The following PLOD3 variants were observed in gnomAD, a reference collection of about 807,000 sequenced individuals.
PLOD3 encodes the protein multifunctional procollagen lysine hydroxylase and glycosyltransferase LH3.
Under a neutral mutation model 96.9 loss-of-function variants are expected in PLOD3, and 73 were observed. The observed-to-expected ratio is 0.75, with a 90% CI of 0.62 to 0.92. The LOEUF is 0.92. PLOD3 is among the 40% of genes least tolerant of loss of function. The pLI is 0.00. For missense variants in PLOD3, 1,004 were observed against 1,004.3 expected, an observed-to-expected ratio of 1.00 and a Z score of 0.00; for synonymous variants, 454 against 413.7, an observed-to-expected ratio of 1.10 and a Z score of -1.18.
chr7:101,212,024 C>A, intron 10 of PLOD3, 74 bp from the exon 11 acceptor site: 1 of 1,126,854 alleles, frequency 8.9e-7, no homozygotes, highest in East Asian at 2.5e-5. Context: ...CCCATGCCCC[C>A]AGGAGAAGAG....
chr7:101,215,455 C>A (rs1431586495), intron 5 of PLOD3, among the ~76,000 whole-genome samples: 1 of 152,144 alleles, frequency 6.6e-6, no homozygotes, highest in East Asian at 1.9e-4. Context: ...TCAGGTGATC[C>A]ACCCGCCTCA....
chr7:101,215,802 A>G lies in PLOD3; in HGVS notation c.615+106T>C, dbSNP rs183620636. ...CAGGCGTGAGCCACCACGCCCAGGC[A>G]CACATTTTTCTCTTTGCAACCCCCT... is the stretch of plus-strand genomic sequence containing the variant. On this transcript the variant is annotated intron_variant, in intron 5 of 18. Transcript: ENST00000223127. 18 of 791,480 alleles carry G rather than the reference A, an allele frequency of 2.3e-5. No homozygotes were observed. In the East Asian group the frequency reaches 4.4e-4, roughly 19 times the overall value. 49.0% of individuals were successfully genotyped at this position (791,480 alleles called of 1,614,324 possible).
At position 101,217,318 on chromosome 7, in the gene PLOD3, C is replaced by A. The variant is rs1353639225; in HGVS notation, c.-44G>T. On this transcript the variant is annotated 5_prime_UTR_variant, in exon 1 of 19. Transcript: ENST00000223127. The stretch of plus-strand genomic sequence containing the variant: ...ACAGCACCCAGGATCCTGGGATCTC[C>A]GCTACGCGCCTGGATCCCAGCTCCG... 3 of 1,365,126 alleles carry A rather than the reference C, an allele frequency of 2.2e-6. No individual in the cohort carries two copies. In the South Asian group the frequency reaches 5.6e-5, roughly 25 times the overall value. The allele number at this position is 1,365,126 out of a possible 1,614,324, so 84.6% of individuals were successfully genotyped here.
In PLOD3 at chr7:101,206,023, TTAA is replaced by T; in HGVS notation, c.*255_*257del. On this transcript the variant is annotated 3_prime_UTR_variant, in exon 19 of 19. Coordinates refer to ENST00000223127, the MANE Select transcript of PLOD3 (RefSeq NM_001084.5). ...TTATTCAGAGTGAGACTGCGGAACATTAATAATTTATCACGCGGGGAGTCCCCA... is the reference window on the plus strand; with the variant it reads ...TTATTCAGAGTGAGACTGCGGAACATTAATTTATCACGCGGGGAGTCCCCA... 1 of 572,572 alleles carries T rather than the reference TTAA, an allele frequency of 1.7e-6. No individual in the cohort carries two copies. Among genetic ancestry groups the T allele is most frequent in the Non-Finnish European group, 3.1e-6 (1 of 320,044 alleles). The allele number at this position is 572,572 out of a possible 1,614,324, so 35.5% of individuals were successfully genotyped here. A position where few individuals can be genotyped will look rare whatever the true frequency, so the allele number is the denominator to read the frequency against.
Position 101,216,800 on chromosome 7 carries a change from G to A in PLOD3, c.110-14C>T, listed in dbSNP as rs1554379496. 5.0e-6 allele frequency: 8 copies of A among 1,590,838 alleles called. No homozygotes were observed. The highest frequency in any genetic ancestry group is 5.2e-6 in the Non-Finnish European group (6 of 1,159,534). ...CCAGCAGCTTCTCTGTTACCAGAGG[G>A]AAATGGCACTTGAGATCCACCGCCC... On this transcript the variant is annotated splice_polypyrimidine_tract_variant and intron_variant, in intron 1 of 18. Transcript: ENST00000223127.
Position 101,217,155 on chromosome 7 carries a change from C to G in PLOD3, c.109+11G>C, listed in dbSNP as rs1343363949. 2 of 1,462,550 alleles carry G rather than the reference C, an allele frequency of 1.4e-6. No homozygotes were observed. The highest frequency in any genetic ancestry group is 5.2e-5 in the Admixed American group (2 of 38,202). The allele number at this position is 1,462,550 out of a possible 1,614,324, so 90.6% of individuals were successfully genotyped here. On this transcript the variant is annotated intron_variant, in intron 1 of 18. Coordinates refer to ENST00000223127, the MANE Select transcript of PLOD3 (RefSeq NM_001084.5). ...CCCCCTCGGCCGTGCCGGGCCTCCC[C>G]GGGATCTCACCTGGGTTGACCGGGT... is the stretch of plus-strand genomic sequence containing the variant.
intron 15 of PLOD3, among the ~76,000 whole-genome samples, chr7:101,209,556 T>G (rs1174400719): frequency 6.9e-6 from 1 of 145,076 alleles, no homozygotes; most frequent in Non-Finnish European, 1.5e-5. Flanking sequence ...TTTTGTGTTT[T>G]TTTTTTTTTT....
At chr7:101,210,192 G>C in intron 14 of PLOD3, 31 bp from the exon 15 acceptor site, 1 of 1,558,696 alleles carries the variant, frequency 6.4e-7, no homozygotes, top group Non-Finnish European at 8.8e-7. Context: ...CATCAGATCT[G>C]TGCCCCCCTC....
intron 10 of PLOD3, 91 bp from the exon 11 acceptor site, chr7:101,212,041 G>T: frequency 9.5e-7 from 1 of 1,048,410 alleles, no homozygotes; most frequent in South Asian, 1.3e-5. Context: ...AGAGGAGGGA[G>T]GCAGTGTCTA....
In PLOD3 at chr7:101,206,193, G is replaced by C; in HGVS notation, c.*88C>G. The C allele has an allele frequency of 7.6e-7, 1 of 1,310,584 alleles. No homozygotes were observed. The allele number at this position is 1,310,584 out of a possible 1,614,324, so 81.2% of individuals were successfully genotyped here. A position where few individuals can be genotyped will look rare whatever the true frequency, so the allele number is the denominator to read the frequency against. On this transcript the variant is annotated 3_prime_UTR_variant, in exon 19 of 19. Transcript: ENST00000223127. ...CATGAACTCAGGAAGTGGGGAGACA[G>C]AGAGACCCATCCCCCAACTCCCAGG...
intron 2 of PLOD3, 33 bp from the exon 3 acceptor site, chr7:101,216,579 G>C (rs781339675): frequency 9.9e-6 from 16 of 1,613,594 alleles, no homozygotes; most frequent in East Asian, 6.7e-5. Flanking sequence ...CCAGGCAAGG[G>C]GTGGGGAGTT....
At position 101,206,542 on chromosome 7, in the gene PLOD3, A is replaced by G. The variant is rs111265189; in HGVS notation, c.2062-106T>C. On this transcript the variant is annotated intron_variant, in intron 18 of 18. Coordinates refer to ENST00000223127, the MANE Select transcript of PLOD3 (RefSeq NM_001084.5). Reference sequence around the variant, plus strand: ...CAGACCGGGGGGCACGGTGCAGCAGACCGGGGTGACAAGGGAGATGGCAGA... The same window carrying G: ...CAGACCGGGGGGCACGGTGCAGCAGGCCGGGGTGACAAGGGAGATGGCAGA... The G allele has an allele frequency of 3.6e-4, 406 of 1,117,162 alleles. 2 individuals are homozygous for G. In the African/African-American group the frequency reaches 5.0e-3, roughly 14 times the overall value. The allele number at this position is 1,117,162 out of a possible 1,614,324, so 69.2% of individuals were successfully genotyped here.
At chr7:101,207,447 T>A in intron 17 of PLOD3, 131 bp downstream of exon 17, 3 of 977,754 alleles carry the variant, frequency 3.1e-6, no homozygotes, top group Non-Finnish European at 3.1e-6. Flanking sequence ...TCCTGCAGCG[T>A]CTCATTCCCC....
chr7:101,216,228 G>T lies in PLOD3; in HGVS notation c.437C>A (p.Pro146His). The T allele has an allele frequency of 6.2e-7, 1 of 1,613,828 alleles. No homozygotes were observed. The highest frequency in any genetic ancestry group is 8.5e-7 in the Non-Finnish European group (1 of 1,180,024). Residue 146 changes from proline to histidine, a missense_variant, in exon 4 of 19, where the codon CCC becomes CAC. This residue lies in a region of PLOD3 where 690 missense variants were observed against 650.2 expected (regional missense o/e 1.06). Coordinates refer to ENST00000223127, the MANE Select transcript of PLOD3 (RefSeq NM_001084.5). ...LLFSAESFCWPEWGLAEQYPE... is the reference protein window; with the variant it reads ...LLFSAESFCWHEWGLAEQYPE... ...GTACTGCTCCGCCAGCCCCCACTCG[G>T]GCCAGCAGAAGCTCTCTGCAGAGAA... is the stretch of plus-strand genomic sequence containing the variant.
At position 101,217,466 on chromosome 7, in the gene PLOD3, C is replaced by A. The variant is rs1231108846; in HGVS notation, c.-192G>T. On this transcript the variant is annotated 5_prime_UTR_variant, in exon 1 of 19. Coordinates refer to ENST00000223127, the MANE Select transcript of PLOD3 (RefSeq NM_001084.5). The stretch of plus-strand genomic sequence containing the variant: ...GGCTACAGAAAGCTCCAGATGCCGG[C>A]GCCACAGACAAGGCGAGGATTGTCC... 2 of 516,728 alleles carry A rather than the reference C, an allele frequency of 3.9e-6. No homozygotes were observed. The highest frequency in any genetic ancestry group is 6.4e-6 in the Non-Finnish European group (2 of 312,466). The allele number at this position is 516,728 out of a possible 1,614,324, so 32.0% of individuals were successfully genotyped here.
intron 6 of PLOD3, 31 bp downstream of exon 6, chr7:101,215,058 A>G: frequency 1.3e-6 from 2 of 1,550,088 alleles, no homozygotes; most frequent in Non-Finnish European, 1.8e-6. Flanking sequence ...GAGGCTGCGC[A>G]TCGCCCACCT....
Position 101,216,237 on chromosome 7 carries a change from A to T in PLOD3, c.428T>A (p.Phe143Tyr). The T allele has an allele frequency of 1.2e-6, 2 of 1,613,858 alleles. No homozygotes were observed. The highest frequency in any genetic ancestry group is 1.7e-6 in the Non-Finnish European group (2 of 1,180,016). The change falls in exon 4 of 19, where the codon TTC becomes TAC. Residue 143 changes from phenylalanine (F) to tyrosine (Y), a missense_variant. This residue lies in a region of PLOD3 where 690 missense variants were observed against 650.2 expected (regional missense o/e 1.06). Coordinates refer to ENST00000223127, the MANE Select transcript of PLOD3 (RefSeq NM_001084.5). ...GSRLLFSAES[F>Y]CWPEWGLAEQ... is the part of the protein sequence containing the mutation. ...CGCCAGCCCCCACTCGGGCCAGCAG[A>T]AGCTCTCTGCAGAGAAGAGCAGGCG...
chr7:101,211,617 G>A lies in PLOD3; in HGVS notation c.1332C>T (p.Tyr444=), dbSNP rs750127568. 7.2e-5 allele frequency: 116 copies of A among 1,605,188 alleles called. No individual in the cohort carries two copies. The highest frequency in any genetic ancestry group is 7.3e-5 in the Non-Finnish European group (86 of 1,176,754). ...CTCGCTTCCGCTGCACCAGCTCCAC[G>A]TAGTCCTCGGAGCGGGCGTAGTACT... The part of the protein sequence containing the change: ...PDEYYARSED[Y]VELVQRKRVG... Residue 444 remains tyrosine, a synonymous_variant, in exon 12 of 19, where the codon TAC becomes TAT. Transcript: ENST00000223127.
chr7:101,208,548 G>C, intron 16 of PLOD3: 1 of 371,984 alleles, frequency 2.7e-6, no homozygotes, highest in South Asian at 2.1e-5. Flanking sequence ...GCCCAAACTC[G>C]GCTAATTTTT....
Sources: allele counts gnomAD v4.1 joint callset (sites outside exome capture counted in the v4.1 genomes callset), GRCh38; gene constraint gnomAD v4.1.1; regional missense constraint gnomAD v4.1.1; transcripts MANE v1.5; gene names NCBI Gene and HGNC (gene_info 2026-07-23, HGNC 2026-07-21).